The following ZEB1 variants were observed in gnomAD, a reference collection of about 807,000 sequenced individuals.
The protein encoded by ZEB1 is zinc finger E-box binding homeobox 1, also known as zinc finger E-box-binding homeobox 1.
ZEB1 carries 21 observed loss-of-function variants against 84.9 expected under a neutral mutation model. That is an observed-to-expected ratio of 0.25 (90% CI 0.18 to 0.36). The LOEUF is 0.36. Ranked by LOEUF, ZEB1 falls within the 10% of genes least tolerant of loss-of-function variation. The pLI, the probability that ZEB1 is intolerant of heterozygous loss-of-function variation, is 1.00. For missense variants in ZEB1, 1,104 were observed against 1,330.2 expected, an observed-to-expected ratio of 0.83 and a Z score of 2.65; for synonymous variants, 420 against 471.1, an observed-to-expected ratio of 0.89 and a Z score of 1.41.
intron 2 of ZEB1, among the ~76,000 whole-genome samples, chr10:31,478,773 G>C (rs918799867): frequency 6.6e-6 from 1 of 151,920 alleles, no homozygotes; most frequent in African/African-American, 2.4e-5. Context: ...AGCGAATACT[G>C]CACATTCTCA....
rs557132064 is a variant in ZEB1 at position 31,524,206 on chromosome 10, T to C, written c.2785+93T>C. The C allele has an allele frequency of 4.9e-5, 67 of 1,379,044 alleles. No individual in the cohort carries two copies. In the East Asian group the frequency reaches 1.4e-3, roughly 30 times the overall value. The allele number at this position is 1,379,044 out of a possible 1,614,324, so 85.4% of individuals were successfully genotyped here. ...TAAAGTTTTAGAATTTTCTTTCTTT[T>C]TTTTTTTTTTTATTTTGTTTTGAGA... On this transcript the variant is annotated intron_variant, in intron 8 of 8. Transcript: ENST00000424869.
intron 1 of ZEB1, among the ~76,000 whole-genome samples, chr10:31,362,303 G>A (rs770355554): frequency 2.1e-5 from 3 of 146,156 alleles, no homozygotes; most frequent in Non-Finnish European, 4.5e-5. Context: ...GGGCAGAGGC[G>A]CGCCTCACTT....
At chr10:31,391,764 G>A (rs1170460939) in intron 1 of ZEB1, among the ~76,000 whole-genome samples, 1 of 152,086 alleles carries the variant, frequency 6.6e-6, no homozygotes, top group African/African-American at 2.4e-5. Context: ...ATATAATCTA[G>A]TACCCTTTTT....
chr10:31,342,044 A>G (rs928899211), intron 1 of ZEB1, among the ~76,000 whole-genome samples: 6 of 152,178 alleles, frequency 3.9e-5, no homozygotes, highest in Admixed American at 3.9e-4. Context: ...GCTGTACATT[A>G]TTCTTTACGT....
At chr10:31,475,327 G>C (rs1275402190) in intron 2 of ZEB1, among the ~76,000 whole-genome samples, 2 of 151,962 alleles carry the variant, frequency 1.3e-5, no homozygotes, top group African/African-American at 4.8e-5. Context: ...TGACTTACAG[G>C]CATTCTTGAT....
Position 31,319,239 on chromosome 10 carries a change from C to T in ZEB1, c.5C>T (p.Ala2Val). 1 of 1,608,788 alleles carries T rather than the reference C, an allele frequency of 6.2e-7. No homozygotes were observed. Among genetic ancestry groups the T allele is most frequent in the Non-Finnish European group, 8.5e-7 (1 of 1,178,260 alleles). The change falls in exon 1 of 9, where the codon GCG (alanine) becomes GTG (valine). Residue 2 changes from alanine to valine, a missense_variant. Around this residue, in one of 7 missense-constraint regions of ZEB1, gnomAD observed 162 missense variants for 184.5 expected, o/e 0.88. Coordinates refer to ENST00000424869, the MANE Select transcript of ZEB1 (RefSeq NM_001174096.2). M[A>V]DGPRCKRRKQ... ...TTAGACACAAGCGAGAGGATCATGG[C>T]GGATGGCCCCAGGTGTAAGCGCAGA... is the stretch of plus-strand genomic sequence containing the variant.
rs34111864 is a variant in ZEB1, at chr10:31,521,489, T to C, written c.2157T>C (p.Gly719=). The change falls in exon 7 of 9, where the codon GGT becomes GGC. Residue 719 remains glycine, a synonymous_variant. Coordinates refer to ENST00000424869, the MANE Select transcript of ZEB1 (RefSeq NM_001174096.2). ...LNLSSSRNTQ[G]YLYTAEGAQE... is the part of the protein sequence containing the mutation. Reference sequence around the variant, plus strand: ...TTTCCTCATCCAGAAATACACAGGGTTACTTGTACACAGCTGAGGGTGCAC... The same window carrying C: ...TTTCCTCATCCAGAAATACACAGGGCTACTTGTACACAGCTGAGGGTGCAC... 9.9e-6 allele frequency: 16 copies of C among 1,613,968 alleles called. No individual in the cohort carries two copies. The African/African-American group carries it at 1.3e-4, about 13-fold the overall frequency.
In ZEB1 at chr10:31,524,131, A is replaced by C. The variant is rs1463750202; in HGVS notation, c.2785+18A>C. On this transcript the variant is annotated intron_variant, in intron 8 of 8. Transcript: ENST00000424869. ...ACACACAGGTATGTCAGTGAACACA[A>C]ACATAAAGTGTCCATGATATGATAT... is the stretch of plus-strand genomic sequence containing the variant. 1.2e-6 allele frequency: 2 copies of C among 1,611,188 alleles called. No homozygotes were observed. Among genetic ancestry groups the C allele is most frequent in the East Asian group, 4.5e-5 (2 of 44,806 alleles).
chr10:31,523,831 A>G (rs2072870127), intron 7 of ZEB1, 102 bp from the exon 8 acceptor site: 2 of 1,360,478 alleles, frequency 1.5e-6, no homozygotes, highest in South Asian at 1.2e-5. Flanking sequence ...TTGAAAGTAT[A>G]AAAGTATAAG....
chr10:31,466,309 GCA>G (rs1432609520), intron 2 of ZEB1, among the ~76,000 whole-genome samples: 1 of 152,144 alleles, frequency 6.6e-6, no homozygotes, highest in African/African-American at 2.4e-5. Context: ...AGCAGAATAT[GCA>G]CATTTTTCTC....
chr10:31,363,666 G>A, intron 1 of ZEB1: 3 of 1,374,580 alleles, frequency 2.2e-6, no homozygotes, highest in South Asian at 1.2e-5. Flanking sequence ...GGTTAAACTT[G>A]CCTCTGAGAC....
At chr10:31,354,591 C>G (rs1289713030) in intron 1 of ZEB1, among the ~76,000 whole-genome samples, 1 of 152,070 alleles carries the variant, frequency 6.6e-6, no homozygotes, top group African/African-American at 2.4e-5. Context: ...TGAGCCATGT[C>G]CAGGAATTAC....
intron 6 of ZEB1, among the ~76,000 whole-genome samples, chr10:31,518,222 A>C (rs911708750): frequency 6.6e-6 from 1 of 152,190 alleles, no homozygotes; most frequent in African/African-American, 2.4e-5. Context: ...TATTCCAGGC[A>C]TCGCATTGGA....
chr10:31,499,702 T>G (rs1324907406), intron 3 of ZEB1, among the ~76,000 whole-genome samples: 2 of 151,666 alleles, frequency 1.3e-5, no homozygotes, highest in Non-Finnish European at 2.9e-5. Context: ...GAGGTGGAGG[T>G]TGCAGTGAGC....
chr10:31,360,577 A>T (rs2042859119), intron 1 of ZEB1, among the ~76,000 whole-genome samples: 1 of 152,246 alleles, frequency 6.6e-6, no homozygotes, highest in African/African-American at 2.4e-5. Flanking sequence ...ATGGTATGTG[A>T]CAAGATATTA....
chr10:31,390,553 C>T (rs908588051), intron 1 of ZEB1, among the ~76,000 whole-genome samples: 66 of 152,168 alleles, frequency 4.3e-4, no homozygotes, highest in African/African-American at 1.4e-3. Context: ...GATCATCTAA[C>T]AGCACAACGC....
chr10:31,495,761 C>T lies in ZEB1; in HGVS notation c.260-15C>T, dbSNP rs766553273. On this transcript the variant is annotated splice_polypyrimidine_tract_variant and intron_variant, in intron 2 of 8. Coordinates refer to ENST00000424869, the MANE Select transcript of ZEB1 (RefSeq NM_001174096.2). ...GAACACTATAGATCTATTTTAATTT[C>T]TTCTTTGATTTCAGCAGGAAAGGAA... The T allele has an allele frequency of 6.2e-7, 1 of 1,612,256 alleles. No individual in the cohort carries two copies. Among genetic ancestry groups the T allele is most frequent in the Non-Finnish European group, 8.5e-7 (1 of 1,178,792 alleles).
At chr10:31,446,189 C>G (rs1320456667) in intron 1 of ZEB1, among the ~76,000 whole-genome samples, 1 of 152,172 alleles carries the variant, frequency 6.6e-6, no homozygotes, top group Admixed American at 6.5e-5. Flanking sequence ...CCTAGATTTT[C>G]TAGTTTATTT....
intron 8 of ZEB1, among the ~76,000 whole-genome samples, chr10:31,525,237 C>A (rs181639290): frequency 6.6e-6 from 1 of 152,284 alleles, no homozygotes; most frequent in East Asian, 1.9e-4. Context: ...ACTACAGAGA[C>A]CATTTGGCCT....
Sources: allele counts gnomAD v4.1 joint callset (sites outside exome capture counted in the v4.1 genomes callset), GRCh38; gene constraint gnomAD v4.1.1; regional missense constraint gnomAD v4.1.1; transcripts MANE v1.5; gene names NCBI Gene and HGNC (gene_info 2026-07-23, HGNC 2026-07-21).